UACA: variants seen among roughly 807,000 people sequenced by gnomAD.
The protein encoded by UACA is nuclear membrane binding protein.
Under a neutral mutation model 160.5 loss-of-function variants are expected in UACA, and 112 were observed. The observed-to-expected ratio is 0.70, with a 90% CI of 0.60 to 0.82. UACA has a LOEUF of 0.82. Ranked by LOEUF, UACA falls within the 40% of genes least tolerant of loss-of-function variation. The pLI is 0.00. For missense variants in UACA, 1,574 were observed against 1,614.6 expected, an observed-to-expected ratio of 0.97 and a Z score of 0.43; for synonymous variants, 557 against 568.4, an observed-to-expected ratio of 0.98 and a Z score of 0.29.
chr15:70,728,755 A>G (rs1366890330), intron 1 of UACA, among the ~76,000 whole-genome samples: 1 of 152,176 alleles, frequency 6.6e-6, no homozygotes, highest in Non-Finnish European at 1.5e-5. Flanking sequence ...TAAACACACA[A>G]CCTACAGAAC....
intron 1 of UACA, among the ~76,000 whole-genome samples, chr15:70,716,662 AG>A (rs1331473823): frequency 6.6e-6 from 1 of 152,200 alleles, no homozygotes; most frequent in African/African-American, 2.4e-5. Context: ...ATAGGGGATG[AG>A]CTGGGAACAG....
At chr15:70,690,046 T>A (rs1354716103) in intron 5 of UACA, among the ~76,000 whole-genome samples, 1 of 151,784 alleles carries the variant, frequency 6.6e-6, no homozygotes, top group African/African-American at 2.4e-5. Flanking sequence ...AAAAAAGAGG[T>A]TCAGACATGT....
intron 1 of UACA, among the ~76,000 whole-genome samples, chr15:70,747,032 G>A (rs1194968195): frequency 6.6e-6 from 1 of 152,176 alleles, no homozygotes; most frequent in Admixed American, 6.5e-5. Context: ...CAATGTAGAT[G>A]ATGGGTTGAT....
the UACA span, among the ~76,000 whole-genome samples, chr15:70,769,241 A>G: frequency 8.3e-5 from 12 of 145,416 alleles, no homozygotes; most frequent in African/African-American, 2.3e-4. Flanking sequence ...CAGGAGGCTG[A>G]GGCAGGAGAA....
chr15:70,675,918 G>A (rs1261432837), intron 13 of UACA, among the ~76,000 whole-genome samples: 1 of 152,100 alleles, frequency 6.6e-6, no homozygotes, highest in East Asian at 1.9e-4. Flanking sequence ...AGACATGAAC[G>A]CCAGAGCCTT....
intron 1 of UACA, among the ~76,000 whole-genome samples, chr15:70,714,529 T>C (rs960900109): frequency 6.6e-6 from 1 of 152,152 alleles, no homozygotes; most frequent in African/African-American, 2.4e-5. Context: ...CTATCAATCA[T>C]TTTCCTGACC....
At chr15:70,744,459 A>C (rs1249462336) in intron 1 of UACA, among the ~76,000 whole-genome samples, 3 of 152,124 alleles carry the variant, frequency 2.0e-5, no homozygotes, top group African/African-American at 7.2e-5. Flanking sequence ...TGTTGAGTAA[A>C]GTTATAAGAT....
chr15:70,683,998 AC>A (rs1555410796), intron 8 of UACA, among the ~76,000 whole-genome samples: 1 of 152,034 alleles, frequency 6.6e-6, no homozygotes, highest in Non-Finnish European at 1.5e-5. Context: ...TTAGTAAAAC[AC>A]TTGACTCTTC....
intron 7 of UACA, among the ~76,000 whole-genome samples, 176 bp from the exon 8 acceptor site, chr15:70,684,622 T>C (rs1291626302): frequency 1.3e-5 from 2 of 152,036 alleles, no homozygotes; most frequent in South Asian, 2.1e-4. Context: ...ATCCATGTTG[T>C]AGAGGGAGAT....
intron 17 of UACA, among the ~76,000 whole-genome samples, chr15:70,664,431 A>C (rs538928511): frequency 1.3e-4 from 20 of 152,324 alleles, no homozygotes; most frequent in Admixed American, 1.2e-3. Context: ...TGATGAAGAT[A>C]AAGTTTATAG....
At chr15:70,679,746 G>A in intron 9 of UACA, 70 bp from the exon 10 acceptor site, 1 of 900,870 alleles carries the variant, frequency 1.1e-6, no homozygotes, top group Non-Finnish European at 1.7e-6. Flanking sequence ...TTCCTCAATT[G>A]GCAATACACC....
chr15:70,778,137 G>A, the UACA span, among the ~76,000 whole-genome samples: 9 of 152,048 alleles, frequency 5.9e-5, no homozygotes, highest in African/African-American at 1.9e-4. Flanking sequence ...GGAGCTCAAG[G>A]CTGCAGTGAG....
At chr15:70,711,496 C>CT (rs1273565449) in intron 1 of UACA, among the ~76,000 whole-genome samples, 1 of 75,776 alleles carries the variant, frequency 1.3e-5, no homozygotes, top group African/African-American at 3.1e-5. Context: ...ACCATCTCTA[C>CT]TAAAAAAAAA....
chr15:70,735,676 A>ATT (rs34180347), intron 1 of UACA, among the ~76,000 whole-genome samples: 20,747 of 152,044 alleles, frequency 0.14, 1,733 homozygotes, highest in African/African-American at 0.23. Context: ...AAAACAATGT[A>ATT]TTTTTGTTTG....
intron 1 of UACA, among the ~76,000 whole-genome samples, chr15:70,762,950 G>A (rs1176976478): frequency 6.6e-6 from 1 of 152,166 alleles, no homozygotes; most frequent in Non-Finnish European, 1.5e-5. Flanking sequence ...CCGAGCGGGC[G>A]TGGGCAGCAG....
chr15:70,678,418 A>C (rs773646380), intron 10 of UACA, among the ~76,000 whole-genome samples: 2 of 152,190 alleles, frequency 1.3e-5, no homozygotes, highest in South Asian at 4.1e-4. Flanking sequence ...ATAGCTAATA[A>C]ATACAAGTAT....
At chr15:70,670,165 G>A (rs1454976393) in intron 15 of UACA, among the ~76,000 whole-genome samples, 1 of 152,156 alleles carries the variant, frequency 6.6e-6, no homozygotes, top group African/African-American at 2.4e-5. Context: ...TGGGTGAGCA[G>A]GCTCAAGCAT....
intron 17 of UACA, among the ~76,000 whole-genome samples, chr15:70,663,335 C>T (rs1896785918): frequency 6.6e-6 from 1 of 152,120 alleles, no homozygotes; most frequent in Admixed American, 6.5e-5. Flanking sequence ...GTTAGAATGG[C>T]AATCATTAAA....
chr15:70,745,954 C>G (rs1899696128), intron 1 of UACA, among the ~76,000 whole-genome samples: 1 of 152,130 alleles, frequency 6.6e-6, no homozygotes, highest in Non-Finnish European at 1.5e-5. Flanking sequence ...AAACTGGACC[C>G]CTTCCTTACA....
Sources: gnomAD v4.1 joint callset for allele counts (sites outside exome capture counted in the v4.1 genomes callset) on GRCh38, gnomAD v4.1.1 for gene constraint, MANE v1.5 for transcripts, NCBI Gene and HGNC (gene_info 2026-07-23, HGNC 2026-07-21) for gene names.